Variants in AKT3 observed in about 807,000 individuals in gnomAD.
AKT3 encodes the protein AKT serine/threonine kinase 3, also known as RAC-gamma serine/threonine-protein kinase.
A neutral mutation model predicts 65.3 loss-of-function variants in AKT3; 15 were observed. The ratio of observed to expected loss-of-function variants is 0.23; its 90% CI spans 0.15 to 0.35. The LOEUF (loss-of-function observed/expected upper bound fraction) is 0.35, where lower values mean the gene tolerates loss of function less well. Ranked by LOEUF, AKT3 falls within the 10% of genes least tolerant of loss-of-function variation. AKT3 has a pLI of 1.00. For missense variants in AKT3, 243 were observed against 576.5 expected (o/e 0.42, Z 5.92); for synonymous variants, 206 against 183.8 (o/e 1.12, Z -0.98).
intron 2 of AKT3, among the ~76,000 whole-genome samples, chr1:243,738,564 AT>A (rs1687969822): frequency 6.6e-6 from 1 of 152,178 alleles, no homozygotes. Flanking sequence ...ATGTAAATAA[AT>A]TTTATATTAT....
intron 2 of AKT3, among the ~76,000 whole-genome samples, chr1:243,826,926 G>A (rs563064119): frequency 2.6e-5 from 4 of 151,862 alleles, no homozygotes; most frequent in South Asian, 2.1e-4. Context: ...AATTAAACCC[G>A]GGACAAATTA....
intron 9 of AKT3, among the ~76,000 whole-genome samples, chr1:243,567,203 C>T (rs756975729): frequency 5.3e-5 from 8 of 152,128 alleles, no homozygotes; most frequent in Non-Finnish European, 1.0e-4. Flanking sequence ...GTTACTTGAG[C>T]CCGAGGTGTG....
chr1:243,704,672 G>C (rs1171352694), intron 2 of AKT3, among the ~76,000 whole-genome samples: 1 of 152,044 alleles, frequency 6.6e-6, no homozygotes, highest in Admixed American at 6.6e-5. Context: ...TTGATTCCAA[G>C]ATGAGGCACT....
intron 3 of AKT3, among the ~76,000 whole-genome samples, chr1:243,678,025 T>C (rs1032607733): frequency 2.0e-5 from 3 of 152,024 alleles, no homozygotes; most frequent in African/African-American, 7.2e-5. Flanking sequence ...GAGGCGGAGG[T>C]TGCAGTGAGC....
chr1:243,505,397 CTA>C (rs1384136383), intron 13 of AKT3, 63 bp from the exon 14 acceptor site: 8 of 1,434,448 alleles, frequency 5.6e-6, no homozygotes, highest in Admixed American at 1.7e-5. Context: ...TATCTCTAGT[CTA>C]TGTTTTTTAA....
At chr1:243,567,706 C>T (rs1674269283) in intron 9 of AKT3, among the ~76,000 whole-genome samples, 3 of 151,966 alleles carry the variant, frequency 2.0e-5, no homozygotes, top group Admixed American at 6.6e-5. Flanking sequence ...CATCCTAAAA[C>T]GTTGTTTTGC....
At position 243,760,777 on chromosome 1, in the gene AKT3, A is replaced by G. The variant is rs72761656; in HGVS notation, c.47-65061T>C. On this transcript the variant is annotated intron_variant, in intron 2 of 13. Coordinates refer to ENST00000673466, the MANE Select transcript of AKT3 (RefSeq NM_005465.7). ...TAATGGCCCTCATGTATAGTGTTGA[A>G]GTCTCACCTAGTGTTTCTCAGCAAA... Among the ~76,000 whole-genome samples the G allele has an allele frequency of 4.8e-3, 732 of 152,192 alleles. 2 individuals carry two copies. The highest frequency in any genetic ancestry group is 7.9e-3 in the Non-Finnish European group (540 of 68,020).
intron 2 of AKT3, among the ~76,000 whole-genome samples, chr1:243,833,052 G>C (rs1694639068): frequency 6.6e-6 from 1 of 152,088 alleles, no homozygotes; most frequent in African/African-American, 2.4e-5. Context: ...CTGAGGTCAG[G>C]AGTTCGAGAC....
chr1:243,575,898 T>A (rs567958360), intron 8 of AKT3, among the ~76,000 whole-genome samples: 12 of 152,100 alleles, frequency 7.9e-5, no homozygotes, highest in Admixed American at 7.2e-4. Context: ...AGAAAACACA[T>A]GTAGGGAACA....
intron 3 of AKT3, among the ~76,000 whole-genome samples, chr1:243,667,083 AC>A (rs1682838907): frequency 6.6e-6 from 1 of 152,178 alleles, no homozygotes; most frequent in South Asian, 2.1e-4. Flanking sequence ...AATTTGAAAT[AC>A]AATCTCCATT....
intron 2 of AKT3, among the ~76,000 whole-genome samples, chr1:243,732,887 C>A (rs1296222716): frequency 6.6e-6 from 1 of 152,212 alleles, no homozygotes; most frequent in Non-Finnish European, 1.5e-5. Flanking sequence ...CAGGACTACT[C>A]TACATCAAGG....
At position 243,592,107 on chromosome 1, in the gene AKT3, G is replaced by T. The variant is rs544885170; in HGVS notation, c.697-19059C>A. Among the ~76,000 whole-genome samples the T allele has an allele frequency of 2.4e-4, 37 of 152,224 alleles. No individual in the cohort carries two copies. In the South Asian group the frequency reaches 6.9e-3, roughly 28 times the overall value. ...TCCCAGCACTTTGGGAGGCCAAGCT[G>T]GGCGGATCACGAGGTCAGGAGATCG... On this transcript the variant is annotated intron_variant, in intron 8 of 13. Coordinates refer to ENST00000673466, the MANE Select transcript of AKT3 (RefSeq NM_005465.7).
chr1:243,573,924 A>T (rs1674740619), intron 8 of AKT3, among the ~76,000 whole-genome samples: 1 of 152,180 alleles, frequency 6.6e-6, no homozygotes, highest in African/African-American at 2.4e-5. Flanking sequence ...AAGAAAGAGC[A>T]GGTTTCAGGC....
chr1:243,567,929 A>G (rs1482424090), intron 9 of AKT3, among the ~76,000 whole-genome samples: 1 of 152,196 alleles, frequency 6.6e-6, no homozygotes, highest in Non-Finnish European at 1.5e-5. Context: ...GAATGCACAG[A>G]AACACCTGTA....
At chr1:243,517,154 T>TA (rs1670413157) in intron 12 of AKT3, among the ~76,000 whole-genome samples, 2 of 152,166 alleles carry the variant, frequency 1.3e-5, no homozygotes, top group East Asian at 1.9e-4. Context: ...TGTGTTTTTT[T>TA]AATTTCATTT....
At chr1:243,686,652 T>TATATATATATATA (rs373666457) in intron 3 of AKT3, among the ~76,000 whole-genome samples, 29 of 12,608 alleles carry the variant, frequency 2.3e-3, no homozygotes, top group South Asian at 5.3e-3. Flanking sequence ...TATATATATA[T>TATATATATATATA]TTTTTTTTTT....
At chr1:243,759,945 C>T (rs138607402) in intron 2 of AKT3, among the ~76,000 whole-genome samples, 14 of 152,244 alleles carry the variant, frequency 9.2e-5, no homozygotes, top group African/African-American at 2.9e-4. Context: ...AATGGCTGAT[C>T]GTTAATGTCA....
chr1:243,827,550 T>C (rs960675075), intron 2 of AKT3, among the ~76,000 whole-genome samples: 3 of 152,154 alleles, frequency 2.0e-5, no homozygotes, highest in African/African-American at 7.2e-5. Context: ...TAGATGGAAA[T>C]GTCTTAGCTC....
chr1:243,637,668 C>T lies in AKT3; in HGVS notation c.504G>A (p.Lys168=), dbSNP rs751924257. The change falls in exon 6 of 14, where the codon AAG becomes AAA. Residue 168 remains lysine (K), a synonymous_variant. Transcript: ENST00000673466. ...TCATAGCATAGTATTTTCCACTTGCCTTCTCTCGAACCAAAATAACTTTCC... is the reference window on the plus strand; with the variant it reads ...TCATAGCATAGTATTTTCCACTTGCTTTCTCTCGAACCAAAATAACTTTCC... ...TFGKVILVRE[K]ASGKYYAMKI... is the part of the protein sequence containing the mutation. 6.2e-6 allele frequency: 10 copies of T among 1,608,092 alleles called. No homozygotes were observed. The highest frequency in any genetic ancestry group is 2.7e-5 in the African/African-American group (2 of 74,844).
Sources: allele counts gnomAD v4.1 joint callset (sites outside exome capture counted in the v4.1 genomes callset), GRCh38; gene constraint gnomAD v4.1.1; transcripts MANE v1.5; gene names NCBI Gene and HGNC (gene_info 2026-07-23, HGNC 2026-07-21).